The following INPP4B variants were observed in gnomAD, a reference collection of about 807,000 sequenced individuals.
The protein encoded by INPP4B is inositol polyphosphate 4-phosphatase type II.
In INPP4B, 55 loss-of-function variants were observed where a neutral mutation model predicts 122.5. The observed-to-expected ratio is 0.45, with a 90% CI of 0.36 to 0.56. The LOEUF (loss-of-function observed/expected upper bound fraction) is 0.56. INPP4B is among the 20% of genes least tolerant of loss of function. The pLI is 0.00. For synonymous variants in INPP4B, 403 were observed against 388.7 expected, an observed-to-expected ratio of 1.04 and a Z score of -0.43; for missense variants, 1,000 against 1,097.7, an observed-to-expected ratio of 0.91 and a Z score of 1.26.
At chr4:142,584,175 T>G (rs1030617903) in intron 2 of INPP4B, among the ~76,000 whole-genome samples, 3 of 152,112 alleles carry the variant, frequency 2.0e-5, no homozygotes, top group Non-Finnish European at 4.4e-5. Context: ...ATATATCTTC[T>G]TATTTTAGAG....
Position 142,270,709 on chromosome 4 carries a change from T to G in INPP4B, c.569A>C (p.Glu190Ala), listed in dbSNP as rs1579539441. 1 of 1,613,876 alleles carries G rather than the reference T, an allele frequency of 6.2e-7. No homozygotes were observed. Among genetic ancestry groups the G allele is most frequent in the East Asian group, 2.2e-5 (1 of 44,860 alleles). ...GGTGATGTGGTCGGCTTCCCCATCC[T>G]CAATCTCCCCCATCTTCACGACACT... ...EVSVVKMGEI[E>A]DGEADHITTD... Residue 190 changes from glutamate (E) to alanine (A), a missense_variant, in exon 10 of 26, where the codon GAG becomes GCG. By Grantham distance (107) the Glu-to-Ala change is moderately radical (BLOSUM62 -1). Coordinates refer to ENST00000262992, the MANE Select transcript of INPP4B (RefSeq NM_001101669.3).
chr4:142,281,614 A>G (rs982784880), intron 9 of INPP4B, among the ~76,000 whole-genome samples: 2 of 152,032 alleles, frequency 1.3e-5, no homozygotes, highest in African/African-American at 2.4e-5. Context: ...CTCTAAAATA[A>G]CAGCTAGTAT....
intron 2 of INPP4B, among the ~76,000 whole-genome samples, chr4:142,684,362 C>A (rs1759056497): frequency 6.6e-6 from 1 of 151,972 alleles, no homozygotes; most frequent in Admixed American, 6.6e-5. Flanking sequence ...ATAGAAAAGT[C>A]AAAAAGGCTC....
intron 22 of INPP4B, among the ~76,000 whole-genome samples, chr4:142,112,311 A>G (rs1790610009): frequency 6.6e-6 from 1 of 152,210 alleles, no homozygotes; most frequent in African/African-American, 2.4e-5. Flanking sequence ...TTTATTTAGT[A>G]TTGGCATCAA....
Position 142,066,457 on chromosome 4 carries a change from G to A in INPP4B, c.2642+15574C>T, listed in dbSNP as rs28642981. Among the ~76,000 whole-genome samples, 1,323 of 152,268 alleles carry A rather than the reference G, an allele frequency of 8.7e-3. 13 individuals are homozygous for A. Among genetic ancestry groups the A allele is most frequent in the African/African-American group, 0.03 (1,258 of 41,548 alleles). ...TTAAAACACTGATTGCTGGACCCAC[G>A]TGTGGAGTTTCTGGTCCAGTAGTTC... On this transcript the variant is annotated intron_variant, in intron 25 of 25. Transcript: ENST00000262992.
At chr4:142,587,329 T>C (rs903109532) in intron 2 of INPP4B, among the ~76,000 whole-genome samples, 1 of 152,114 alleles carries the variant, frequency 6.6e-6, no homozygotes, top group Non-Finnish European at 1.5e-5. Context: ...ATATTTATGA[T>C]GTTTGATCTT....
chr4:142,370,053 C>T (rs1452723848), intron 7 of INPP4B, among the ~76,000 whole-genome samples: 2 of 151,844 alleles, frequency 1.3e-5, no homozygotes, highest in Non-Finnish European at 2.9e-5. Context: ...TTGTAGTAAA[C>T]ATATTGCTTG....
At chr4:142,096,032 T>C (rs1032546122) in intron 23 of INPP4B, 1 of 152,212 alleles carries the variant, frequency 6.6e-6, no homozygotes, top group Non-Finnish European at 1.5e-5. Context: ...AAAGTAATTA[T>C]TCTCATTTGG....
chr4:142,507,652 A>T (rs1188886630), intron 2 of INPP4B, among the ~76,000 whole-genome samples: 2 of 152,132 alleles, frequency 1.3e-5, no homozygotes, highest in Non-Finnish European at 2.9e-5. Context: ...ATGCATGATC[A>T]TCATTTGCTG....
intron 2 of INPP4B, among the ~76,000 whole-genome samples, chr4:142,564,100 C>A (rs551535813): frequency 2.0e-5 from 3 of 152,166 alleles, no homozygotes; most frequent in Non-Finnish European, 4.4e-5. Context: ...AGAAACTTCC[C>A]GCAAGTCAGT....
intron 10 of INPP4B, among the ~76,000 whole-genome samples, chr4:142,268,216 G>A (rs765136514): frequency 1.3e-5 from 2 of 149,678 alleles, no homozygotes; most frequent in East Asian, 2.0e-4. Context: ...CCAGCTACTC[G>A]GGAGGCTGGG....
intron 25 of INPP4B, chr4:142,029,816 G>A: frequency 9.9e-7 from 1 of 1,013,676 alleles, no homozygotes; most frequent in Non-Finnish European, 1.2e-6. Flanking sequence ...AAATTTAGTG[G>A]GATGAGGACA....
intron 9 of INPP4B, among the ~76,000 whole-genome samples, chr4:142,299,356 T>C (rs1760336633): frequency 6.7e-6 from 1 of 149,446 alleles, no homozygotes; most frequent in African/African-American, 2.5e-5. Flanking sequence ...GAAATGGGGT[T>C]TTGGCATGTT....
At chr4:142,447,826 T>C (rs1813236060) in intron 3 of INPP4B, among the ~76,000 whole-genome samples, 1 of 152,104 alleles carries the variant, frequency 6.6e-6, no homozygotes, top group African/African-American at 2.4e-5. Flanking sequence ...CTGGGCTCTC[T>C]GATGTGTGGC....
chr4:142,670,826 T>C (rs1756890547), intron 2 of INPP4B, among the ~76,000 whole-genome samples: 1 of 152,178 alleles, frequency 6.6e-6, no homozygotes, highest in African/African-American at 2.4e-5. Context: ...ATGATTACTA[T>C]GTGAGATAAT....
intron 22 of INPP4B, among the ~76,000 whole-genome samples, chr4:142,109,161 C>G (rs939655388): frequency 2.7e-5 from 4 of 150,196 alleles, no homozygotes; most frequent in African/African-American, 9.8e-5. Flanking sequence ...TTCTCAACCA[C>G]TGTCATTATA....
intron 16 of INPP4B, among the ~76,000 whole-genome samples, chr4:142,165,157 GC>G (rs1366024934): frequency 6.6e-6 from 1 of 151,678 alleles, no homozygotes; most frequent in Non-Finnish European, 1.5e-5. Flanking sequence ...GTTCAGAAAT[GC>G]CAGGCTGAAC....
At chr4:142,343,849 G>A (rs1030998180) in intron 7 of INPP4B, among the ~76,000 whole-genome samples, 1 of 151,912 alleles carries the variant, frequency 6.6e-6, no homozygotes, top group African/African-American at 2.4e-5. Flanking sequence ...CCTTTGTTTA[G>A]GGGATCAGAA....
At chr4:142,310,792 A>G in intron 8 of INPP4B, among the ~76,000 whole-genome samples, 1 of 152,264 alleles carries the variant, frequency 6.6e-6, no homozygotes, top group African/African-American at 2.4e-5. Context: ...AAAAAGAAAA[A>G]ATAATTGGGA....
Sources: allele counts gnomAD v4.1 joint callset (sites outside exome capture counted in the v4.1 genomes callset), GRCh38; gene constraint gnomAD v4.1.1; transcripts MANE v1.5; gene names NCBI Gene and HGNC (gene_info 2026-07-23, HGNC 2026-07-21).